Variants in RPS6KA2 observed in about 807,000 individuals in gnomAD.
RPS6KA2 encodes ribosomal protein S6 kinase alpha-2.
In RPS6KA2, 42 loss-of-function variants were observed where a neutral mutation model predicts 91.8. The ratio of observed to expected loss-of-function variants is 0.46; its 90% confidence interval spans 0.36 to 0.59. The LOEUF is 0.59. Ranked by LOEUF, RPS6KA2 falls within the 20% of genes least tolerant of loss-of-function variation. The pLI, the probability that RPS6KA2 is intolerant of heterozygous loss-of-function variation, is 0.00. For synonymous variants in RPS6KA2, 414 were observed against 393.6 expected, an observed-to-expected ratio of 1.05 and a Z score of -0.61; for missense variants, 798 against 978.5, an observed-to-expected ratio of 0.82 and a Z score of 2.46.
intron 2 of RPS6KA2, among the ~76,000 whole-genome samples, chr6:166,693,181 T>G (rs1260595721): frequency 1.3e-5 from 2 of 152,182 alleles, no homozygotes; most frequent in African/African-American, 4.8e-5. Context: ...CCAGCCTAAA[T>G]CAGAAGGAGC....
Position 166,423,148 on chromosome 6 carries a change from C to T in RPS6KA2, c.1743+108G>A. On this transcript the variant is annotated intron_variant, in intron 17 of 20. Coordinates refer to ENST00000265678, the MANE Select transcript of RPS6KA2 (RefSeq NM_021135.6). The surrounding 1 kb of genome is among the most constrained non-coding windows in gnomAD (Gnocchi z 4.8). ...TTTCCCAACACCACTGCTGACGCAG[C>T]TCAAGCCGCCTCTGACATCCCCGCT... The T allele has an allele frequency of 8.2e-7, 1 of 1,216,920 alleles. No individual in the cohort carries two copies. 75.4% of individuals were successfully genotyped at this position (1,216,920 alleles called of 1,614,324 possible). A position where few individuals can be genotyped will look rare whatever the true frequency, so the allele number is the denominator to read the frequency against.
chr6:166,752,090 C>G (rs1246645528), intron 2 of RPS6KA2, among the ~76,000 whole-genome samples: 1 of 152,258 alleles, frequency 6.6e-6, no homozygotes, highest in Non-Finnish European at 1.5e-5. Context: ...TTCAATGTCT[C>G]ATGTGCATTT....
chr6:166,774,674 C>G (rs926249487), intron 2 of RPS6KA2, among the ~76,000 whole-genome samples: 4 of 152,088 alleles, frequency 2.6e-5, no homozygotes, highest in African/African-American at 7.2e-5. Context: ...GAAGACAGTC[C>G]CTTACACAGG....
At chr6:166,468,374 T>G (rs927046402) in intron 11 of RPS6KA2, among the ~76,000 whole-genome samples, 1 of 152,252 alleles carries the variant, frequency 6.6e-6, no homozygotes, top group Non-Finnish European at 1.5e-5. Context: ...TAGTCAGAAC[T>G]GTAAAACTAG....
At chr6:166,621,559 C>T (rs577450991) in intron 1 of RPS6KA2, among the ~76,000 whole-genome samples, 5 of 152,188 alleles carry the variant, frequency 3.3e-5, no homozygotes, top group East Asian at 3.9e-4. Flanking sequence ...AAACATAAAA[C>T]GCTGAGAAAA....
intron 10 of RPS6KA2, among the ~76,000 whole-genome samples, chr6:166,476,800 C>T (rs1447693350): frequency 1.3e-5 from 2 of 152,122 alleles, no homozygotes; most frequent in Non-Finnish European, 2.9e-5. Flanking sequence ...CCCTGAGGTC[C>T]TGTGTGGCGA....
rs997796615 is a variant in RPS6KA2, at chr6:166,702,181, G to A, written c.123+156019C>T. The A allele has an allele frequency of 1.2e-5, 20 of 1,602,194 alleles. No homozygotes were observed. The African/African-American group carries it at 2.0e-4, about 16-fold the overall frequency. ...TCTGTTTGGTGATGTTCCGAATGGT[G>A]GCACCTTCTTTTCCTATAATGGCTC... On this transcript the variant is annotated intron_variant, in intron 2 of 21. Coordinates refer to the RPS6KA2 transcript ENST00000503859.
At chr6:166,858,126 C>A in intron 2 of RPS6KA2, 1 of 885,656 alleles carries the variant, frequency 1.1e-6, no homozygotes, top group Non-Finnish European at 1.9e-6. Flanking sequence ...TTCAAACTTC[C>A]ATTTCCCCCT....
Position 166,494,697 on chromosome 6 carries a change from A to C in RPS6KA2, c.747+3811T>G, listed in dbSNP as rs978243359. ...CAGACACGGAATTTTATTCAGGGAC[A>C]CTGACTTCCTGCCCCTGGCACAGGC... On this transcript the variant is annotated intron_variant, in intron 8 of 20. Coordinates refer to ENST00000265678, the MANE Select transcript of RPS6KA2 (RefSeq NM_021135.6). This position sits in a 1 kb window ranked among gnomAD's most constrained non-coding sequence, Gnocchi z 5.1. 3.3e-5 allele frequency among the ~76,000 whole-genome samples: 5 copies of C among 152,198 alleles called. No homozygotes were observed. The highest frequency in any genetic ancestry group is 5.9e-5 in the Non-Finnish European group (4 of 68,020).
chr6:166,555,591 C>T (rs560154890), intron 1 of RPS6KA2, among the ~76,000 whole-genome samples: 5 of 152,162 alleles, frequency 3.3e-5, no homozygotes, highest in African/African-American at 9.6e-5. Flanking sequence ...TTTCTCCCAT[C>T]GCCTCGTTCA....
chr6:166,828,824 A>C (rs1023518367), intron 2 of RPS6KA2, among the ~76,000 whole-genome samples: 1 of 152,248 alleles, frequency 6.6e-6, no homozygotes, highest in Non-Finnish European at 1.5e-5. Flanking sequence ...AAATAGATAA[A>C]TCAGACGTCA....
chr6:166,489,298 A>T (rs1378791479), intron 9 of RPS6KA2, among the ~76,000 whole-genome samples: 3 of 152,270 alleles, frequency 2.0e-5, no homozygotes, highest in Non-Finnish European at 4.4e-5. Flanking sequence ...TTTCTCAAAC[A>T]TACATATAAA....
chr6:166,793,536 G>A (rs947790087), intron 2 of RPS6KA2, among the ~76,000 whole-genome samples: 12 of 148,436 alleles, frequency 8.1e-5, no homozygotes, highest in African/African-American at 1.8e-4. Flanking sequence ...AAAAGAGCCC[G>A]CATCGCCAAG....
chr6:166,490,598 C>T lies in RPS6KA2; in HGVS notation c.818+73G>A, dbSNP rs1201676405. 1.0e-6 allele frequency: 1 copy of T among 996,748 alleles called. No homozygotes were observed. The highest frequency in any genetic ancestry group is 1.6e-5 in the African/African-American group (1 of 62,168). 61.7% of individuals were successfully genotyped at this position (996,748 alleles called of 1,614,324 possible). A position where few individuals can be genotyped will look rare whatever the true frequency, so the allele number is the denominator to read the frequency against. ...CAATGTAATTAAAACTTCACAGTTCCAGGTTCAGAGGCAGCAGCTCTTGAT... is the reference window on the plus strand; with the variant it reads ...CAATGTAATTAAAACTTCACAGTTCTAGGTTCAGAGGCAGCAGCTCTTGAT... On this transcript the variant is annotated intron_variant, in intron 9 of 20. Transcript: ENST00000265678. This position sits in a 1 kb window ranked among gnomAD's most constrained non-coding sequence, Gnocchi z 4.2.
intron 2 of RPS6KA2, among the ~76,000 whole-genome samples, chr6:166,819,433 C>T (rs1779848308): frequency 6.6e-6 from 1 of 152,126 alleles, no homozygotes; most frequent in African/African-American, 2.4e-5. Flanking sequence ...TGCAACTACT[C>T]AAGTCCCAAG....
At position 166,720,376 on chromosome 6, in the gene RPS6KA2, A is replaced by G. The variant is rs568534827; in HGVS notation, c.123+137824T>C. On this transcript the variant is annotated intron_variant, in intron 2 of 21. Transcript: ENST00000503859. Reference sequence around the variant, plus strand: ...TTTCTAATCATTATAATAAATGGAGAAATATGTCACCTAAATAAAAGAATG... The same window carrying G: ...TTTCTAATCATTATAATAAATGGAGGAATATGTCACCTAAATAAAAGAATG... 8.5e-5 allele frequency among the ~76,000 whole-genome samples: 13 copies of G among 152,328 alleles called. No homozygotes were observed. In the South Asian group the frequency reaches 2.7e-3, roughly 32 times the overall value.
chr6:166,860,631 C>A (rs565648455), intron 1 of RPS6KA2, among the ~76,000 whole-genome samples: 24 of 152,134 alleles, frequency 1.6e-4, no homozygotes, highest in Admixed American at 7.2e-4. Flanking sequence ...GAGCCCAGGG[C>A]GGAATCCTCC....
chr6:166,724,116 A>G (rs540366402), intron 2 of RPS6KA2, among the ~76,000 whole-genome samples: 1 of 152,364 alleles, frequency 6.6e-6, no homozygotes, highest in South Asian at 2.1e-4. Flanking sequence ...TGTCATACAC[A>G]TGCACATGTA....
chr6:166,818,568 G>A (rs1779828008), intron 2 of RPS6KA2, among the ~76,000 whole-genome samples: 2 of 152,106 alleles, frequency 1.3e-5, no homozygotes, highest in African/African-American at 4.8e-5. Flanking sequence ...AAGTGATTTG[G>A]GATGTGATGC....
Sources: gnomAD v4.1 joint callset for allele counts (sites outside exome capture counted in the v4.1 genomes callset) on GRCh38, gnomAD v4.1.1 for gene constraint, Gnocchi (gnomAD v3.1) non-coding constraint, MANE v1.5 for transcripts, NCBI Gene and HGNC (gene_info 2026-07-23, HGNC 2026-07-21) for gene names.